FYN: variants seen among roughly 807,000 people sequenced by gnomAD.
The protein encoded by FYN is tyrosine-protein kinase Fyn.
Under a neutral mutation model 70.2 loss-of-function variants are expected in FYN, and 10 were observed. That is an observed-to-expected ratio of 0.14 (90% confidence interval 0.09 to 0.24). FYN has a LOEUF of 0.24. Among genes scored for constraint, FYN ranks in the 10% least tolerant of loss-of-function variants. The probability of loss-of-function intolerance (pLI) is 1.00; values close to 1 mark genes in which losing one functional copy is unlikely to be tolerated. For synonymous variants in FYN, 236 were observed against 248.6 expected (o/e 0.95, Z 0.48); for missense variants, 319 against 673.1 (o/e 0.47, Z 5.82).
At chr6:111,797,090 G>A (rs1298250127) in intron 2 of FYN, among the ~76,000 whole-genome samples, 1 of 152,202 alleles carries the variant, frequency 6.6e-6, no homozygotes, top group Non-Finnish European at 1.5e-5. Context: ...ATTTTCAGAT[G>A]TAATGACAAG....
intron 4 of FYN, among the ~76,000 whole-genome samples, chr6:111,719,310 CAAAA>C: frequency 1.7e-5 from 1 of 60,200 alleles, no homozygotes. Context: ...AGGAAACTTC[CAAAA>C]AAAAAAAAAA....
chr6:111,815,513 CCT>C (rs1461928760), intron 2 of FYN, among the ~76,000 whole-genome samples: 4 of 152,066 alleles, frequency 2.6e-5, no homozygotes, highest in Non-Finnish European at 5.9e-5. Flanking sequence ...GTAACTACTC[CCT>C]CTCTTTGTTA....
At chr6:111,690,869 G>A (rs993522787) in intron 12 of FYN, among the ~76,000 whole-genome samples, 7 of 152,122 alleles carry the variant, frequency 4.6e-5, no homozygotes, top group South Asian at 2.1e-4. Context: ...AATCCCCCAC[G>A]TCTTCCTCCT....
At chr6:111,787,121 T>A (rs1771421390) in intron 2 of FYN, among the ~76,000 whole-genome samples, 1 of 152,260 alleles carries the variant, frequency 6.6e-6, no homozygotes, top group Admixed American at 6.5e-5. Context: ...TTTGGTGTTT[T>A]AGACATGAAG....
At chr6:111,662,518 G>T (rs1797798460) in intron 13 of FYN, among the ~76,000 whole-genome samples, 2 of 152,172 alleles carry the variant, frequency 1.3e-5, no homozygotes, top group Non-Finnish European at 2.9e-5. Flanking sequence ...ATGGGGTGGT[G>T]TGACTGTTTA....
intron 13 of FYN, among the ~76,000 whole-genome samples, chr6:111,667,727 C>T (rs1798073451): frequency 6.6e-6 from 1 of 152,194 alleles, no homozygotes; most frequent in South Asian, 2.1e-4. Flanking sequence ...GTGCTTTCAG[C>T]TATCTGAAAA....
At chr6:111,857,309 C>G (rs904837476) in intron 1 of FYN, among the ~76,000 whole-genome samples, 1 of 152,146 alleles carries the variant, frequency 6.6e-6, no homozygotes, top group African/African-American at 2.4e-5. Flanking sequence ...TAATACTTTC[C>G]ACTGACCTGA....
chr6:111,772,965 A>C (rs1481409128), intron 3 of FYN, among the ~76,000 whole-genome samples: 2 of 151,788 alleles, frequency 1.3e-5, no homozygotes, highest in Non-Finnish European at 2.9e-5. Flanking sequence ...AGATGTGGAA[A>C]TAGTACTATA....
intron 1 of FYN, among the ~76,000 whole-genome samples, chr6:111,869,181 G>C (rs1382716184): frequency 1.3e-5 from 2 of 152,244 alleles, no homozygotes; most frequent in Non-Finnish European, 2.9e-5. Flanking sequence ...TGCTCATGGA[G>C]ATTTGGAAGC....
rs529023192 is a variant in FYN, at chr6:111,747,777, C to T, written c.-11-27715G>A. 2.1e-4 allele frequency among the ~76,000 whole-genome samples: 32 copies of T among 152,272 alleles called. No homozygotes were observed. The South Asian group carries it at 5.0e-3, about 24-fold the overall frequency. On this transcript the variant is annotated intron_variant, in intron 3 of 13. Transcript: ENST00000354650. ...GCTGGCAGGCTTCCTTTCCATTTTTCGCACCAGATATACCTATTTGCTATT... is the reference window on the plus strand; with the variant it reads ...GCTGGCAGGCTTCCTTTCCATTTTTTGCACCAGATATACCTATTTGCTATT...
intron 2 of FYN, among the ~76,000 whole-genome samples, chr6:111,784,012 G>A (rs958331962): frequency 8.5e-5 from 13 of 152,204 alleles, no homozygotes; most frequent in Non-Finnish European, 1.6e-4. Context: ...TTAAGAATAA[G>A]CATGTGGCCC....
At chr6:111,670,974 G>A in intron 13 of FYN, among the ~76,000 whole-genome samples, 1 of 152,116 alleles carries the variant, frequency 6.6e-6, no homozygotes, top group East Asian at 1.9e-4. Context: ...AGTAAAGAAA[G>A]CTTCTGAACT....
rs765109051 is a variant in FYN at position 111,702,946 on chromosome 6, T to C, written c.636A>G (p.Gly212=). 14 of 1,613,964 alleles carry C rather than the reference T, an allele frequency of 8.7e-6. No individual in the cohort carries two copies. The South Asian group carries it at 1.2e-4, about 14-fold the overall frequency. Residue 212 remains glycine (G), a synonymous_variant, in exon 8 of 14, where the codon GGA becomes GGG. Transcript: ENST00000354650. ...HYKIRKLDNG[G]YYITTRAQFE... ...ACTGGGCCCGGGTGGTAATGTAGTA[T>C]CCACCATTGTCAAGTTTGCGAATTT...
intron 13 of FYN, among the ~76,000 whole-genome samples, chr6:111,664,753 T>TC (rs1797923105): frequency 7.1e-6 from 1 of 141,290 alleles, no homozygotes; most frequent in Non-Finnish European, 1.6e-5. Context: ...CCTCTTCTTC[T>TC]CCTGCTTTCT....
chr6:111,694,732 A>G lies in FYN; in HGVS notation c.1043-28T>C, dbSNP rs1266981768. 3.7e-5 allele frequency: 58 copies of G among 1,571,880 alleles called. No individual in the cohort carries two copies. The highest frequency in any genetic ancestry group is 5.0e-5 in the Non-Finnish European group (57 of 1,146,954). On this transcript the variant is annotated intron_variant, in intron 10 of 13. Coordinates refer to ENST00000354650, the MANE Select transcript of FYN (RefSeq NM_002037.5). The surrounding 1 kb of genome is among the most constrained non-coding windows in gnomAD (Gnocchi z 5.0). Reference sequence around the variant, plus strand: ...ATGAACAAAACATAAAATCATTTCAATTTACTTTGAAAGATAATTCCCAAC... The same window carrying G: ...ATGAACAAAACATAAAATCATTTCAGTTTACTTTGAAAGATAATTCCCAAC...
At position 111,699,932 on chromosome 6, in the gene FYN, T is replaced by C. The variant is rs966650402; in HGVS notation, c.862+172A>G. The C allele has an allele frequency of 1.6e-3, 844 of 518,684 alleles. 8 individuals carry two copies. Among genetic ancestry groups the C allele is most frequent in the Non-Finnish European group, 2.2e-3 (725 of 329,830 alleles). 32.1% of individuals were successfully genotyped at this position (518,684 alleles called of 1,614,324 possible). On this transcript the variant is annotated intron_variant, in intron 9 of 13. Coordinates refer to ENST00000354650, the MANE Select transcript of FYN (RefSeq NM_002037.5). ...TACTATCTTTTTTTTTTTTTTTTTTTTTTTTTAGGAATTCCAGAATGTTAA... is the reference window on the plus strand; with the variant it reads ...TACTATCTTTTTTTTTTTTTTTTTTCTTTTTTAGGAATTCCAGAATGTTAA...
chr6:111,683,814 C>T (rs1348625990), intron 12 of FYN, among the ~76,000 whole-genome samples: 1 of 151,808 alleles, frequency 6.6e-6, no homozygotes, highest in Non-Finnish European at 1.5e-5. Context: ...GACAGGATAT[C>T]CTGTGAAAGA....
chr6:111,704,051 G>A lies in FYN; in HGVS notation c.495C>T (p.Ser165=). The A allele has an allele frequency of 6.2e-7, 1 of 1,614,174 alleles. No individual in the cohort carries two copies. Among genetic ancestry groups the A allele is most frequent in the Non-Finnish European group, 8.5e-7 (1 of 1,180,008 alleles). ...GAAAGGTACCTCTTGGGTTTCCAAA[G>A]GACAATAGCTGTCGCTCAGCATCTT... The part of the protein sequence containing the change: ...GRKDAERQLL[S]FGNPRGTFLI... The change falls in exon 7 of 14, where the codon TCC becomes TCT. Residue 165 remains serine, a synonymous_variant. Transcript: ENST00000354650.
intron 1 of FYN, among the ~76,000 whole-genome samples, chr6:111,870,340 G>A (rs1774236138): frequency 6.6e-6 from 1 of 152,206 alleles, no homozygotes; most frequent in Non-Finnish European, 1.5e-5. Context: ...TCACTGCATG[G>A]AGGAAAGCCA....
Sources: gnomAD v4.1 joint callset for allele counts (sites outside exome capture counted in the v4.1 genomes callset) on GRCh38, gnomAD v4.1.1 for gene constraint, Gnocchi (gnomAD v3.1) non-coding constraint, MANE v1.5 for transcripts, NCBI Gene and HGNC (gene_info 2026-07-23, HGNC 2026-07-21) for gene names.